CHCHD3: variants seen among roughly 807,000 people sequenced by gnomAD.
The protein encoded by CHCHD3 is MICOS complex subunit MIC19.
CHCHD3 carries 20 observed loss-of-function variants against 38.2 expected under a neutral mutation model. The ratio of observed to expected loss-of-function variants is 0.52; its 90% confidence interval spans 0.37 to 0.76. The LOEUF is 0.76. CHCHD3 is among the 30% of genes least tolerant of loss of function. CHCHD3 has a pLI of 0.00. For missense variants in CHCHD3, 245 were observed against 279.2 expected (o/e 0.88, Z 0.87); for synonymous variants, 82 against 100.0 (o/e 0.82, Z 1.07).
chr7:132,795,983 T>C (rs1806599867), intron 7 of CHCHD3, among the ~76,000 whole-genome samples: 1 of 152,136 alleles, frequency 6.6e-6, no homozygotes, highest in African/African-American at 2.4e-5. Flanking sequence ...GTGAACTCTA[T>C]CAACTGGTGG....
rs560390267 is a variant in CHCHD3, at chr7:132,800,728, A to G, written c.525-4151T>C. 5.2e-4 allele frequency among the ~76,000 whole-genome samples: 79 copies of G among 152,302 alleles called. 1 individual carries two copies. Among genetic ancestry groups the G allele is most frequent in the African/African-American group, 1.8e-3 (73 of 41,576 alleles). ...AGGATCCTTTCCCTGTACCTGAACC[A>G]GAAGTATGCTGAGAGAGTTCTACAG... On this transcript the variant is annotated intron_variant, in intron 6 of 7. Transcript: ENST00000262570.
intron 2 of CHCHD3, among the ~76,000 whole-genome samples, chr7:133,041,787 C>T (rs1459511092): frequency 6.6e-6 from 1 of 152,236 alleles, no homozygotes; most frequent in Non-Finnish European, 1.5e-5. Flanking sequence ...ACACCCTGTC[C>T]TGGCTGTCCC....
chr7:133,044,390 A>C (rs1184601663), intron 2 of CHCHD3, among the ~76,000 whole-genome samples: 1 of 152,232 alleles, frequency 6.6e-6, no homozygotes, highest in Non-Finnish European at 1.5e-5. Context: ...TATTCTTTCA[A>C]ACATTACCTA....
intron 3 of CHCHD3, among the ~76,000 whole-genome samples, chr7:133,013,665 G>C (rs1267371929): frequency 1.3e-5 from 2 of 152,092 alleles, no homozygotes; most frequent in Non-Finnish European, 2.9e-5. Context: ...CATGGGAAGA[G>C]AGATCACAAT....
intron 1 of CHCHD3, among the ~76,000 whole-genome samples, chr7:133,072,051 G>GTA (rs1814832695): frequency 6.6e-6 from 1 of 151,832 alleles, no homozygotes; most frequent in South Asian, 2.1e-4. Context: ...ATCAAGTGTT[G>GTA]AATTGCTACT....
intron 5 of CHCHD3, among the ~76,000 whole-genome samples, chr7:132,882,599 G>A (rs1809095300): frequency 1.3e-5 from 2 of 151,768 alleles, no homozygotes; most frequent in African/African-American, 4.8e-5. Flanking sequence ...TTGAGCAGTT[G>A]TTGAGCAGAT....
intron 7 of CHCHD3, among the ~76,000 whole-genome samples, chr7:132,795,060 C>T (rs768160379): frequency 2.0e-5 from 3 of 152,206 alleles, no homozygotes; most frequent in Non-Finnish European, 4.4e-5. Flanking sequence ...GTCAGCACTC[C>T]CAATGCCCCT....
chr7:132,825,384 A>C (rs781539729), intron 6 of CHCHD3, among the ~76,000 whole-genome samples: 12 of 152,198 alleles, frequency 7.9e-5, no homozygotes, highest in Non-Finnish European at 1.3e-4. Context: ...CCAACAACTC[A>C]AGTTCAAAGA....
At chr7:132,828,356 A>T (rs556451691) in intron 6 of CHCHD3, among the ~76,000 whole-genome samples, 4 of 151,724 alleles carry the variant, frequency 2.6e-5, no homozygotes, top group African/African-American at 9.7e-5. Flanking sequence ...TGATGTAGAA[A>T]CTCCTTTCAT....
intron 6 of CHCHD3, among the ~76,000 whole-genome samples, chr7:132,800,862 AT>A (rs140340566): frequency 3.5e-4 from 52 of 149,914 alleles, no homozygotes; most frequent in Admixed American, 6.7e-4. Flanking sequence ...GGAGAATTCT[AT>A]TTTTTTTTTA....
At position 132,848,940 on chromosome 7, in the gene CHCHD3, G is replaced by T. The variant is rs149185780; in HGVS notation, c.454-10471C>A. Among the ~76,000 whole-genome samples the T allele has an allele frequency of 3.4e-3, 517 of 152,188 alleles. 3 individuals are homozygous for T. The highest frequency in any genetic ancestry group is 0.012 in the African/African-American group (485 of 41,526). On this transcript the variant is annotated intron_variant, in intron 5 of 7. Coordinates refer to ENST00000262570, the MANE Select transcript of CHCHD3 (RefSeq NM_017812.4). ...GCTGTCCTCAGACAGAAAAATCAAA[G>T]CTAATTTAAATAGATTGCAAATTGC...
rs771024433 is a variant in CHCHD3 at position 132,975,186 on chromosome 7, C to T, written c.352G>A (p.Ala118Thr). Residue 118 changes from alanine to threonine, a missense_variant, in exon 4 of 8, where the codon GCT (alanine) becomes ACT (threonine). Coordinates refer to ENST00000262570, the MANE Select transcript of CHCHD3 (RefSeq NM_017812.4). ...ATACTCACCAGGTGCTTTGCCTTAG[C>T]GCGTTCCTCCTCGCTACATATCCTC... ...RERICSEEER[A>T]KAKHLARQLE... The T allele has an allele frequency of 4.0e-5, 64 of 1,612,048 alleles. No homozygotes were observed. In the South Asian group the frequency reaches 5.8e-4, roughly 15 times the overall value.
intron 3 of CHCHD3, among the ~76,000 whole-genome samples, chr7:132,982,970 G>A (rs1335222477): frequency 2.0e-5 from 3 of 152,002 alleles, no homozygotes; most frequent in Non-Finnish European, 4.4e-5. Context: ...CATAAAATAT[G>A]TTGATTCTGG....
At chr7:133,079,876 G>A (rs1403473530) in intron 1 of CHCHD3, among the ~76,000 whole-genome samples, 10 of 152,312 alleles carry the variant, frequency 6.6e-5, no homozygotes, top group Non-Finnish European at 1.2e-4. Flanking sequence ...AATGACCTCT[G>A]TGTACTCAAT....
intron 5 of CHCHD3, among the ~76,000 whole-genome samples, chr7:132,860,463 T>C (rs1808461333): frequency 6.6e-6 from 1 of 152,208 alleles, no homozygotes; most frequent in African/African-American, 2.4e-5. Context: ...ATCATCTTTC[T>C]TTCTTACACC....
chr7:132,823,227 G>GA (rs978103226), intron 6 of CHCHD3, among the ~76,000 whole-genome samples: 8 of 151,866 alleles, frequency 5.3e-5, no homozygotes, highest in Admixed American at 2.6e-4. Flanking sequence ...AATTAAAAGA[G>GA]AAAAAAATCT....
chr7:133,026,178 TACAG>T (rs2117445313), intron 2 of CHCHD3, among the ~76,000 whole-genome samples: 1 of 152,236 alleles, frequency 6.6e-6, no homozygotes, highest in South Asian at 2.1e-4. Context: ...AAAGAACTCT[TACAG>T]ACAAATAATA....
intron 1 of CHCHD3, among the ~76,000 whole-genome samples, chr7:133,079,946 C>T (rs1208513013): frequency 6.6e-6 from 1 of 152,186 alleles, no homozygotes; most frequent in Non-Finnish European, 1.5e-5. Flanking sequence ...CTACAAGAAA[C>T]TTACAGTGCC....
chr7:133,061,694 A>G (rs992751218), intron 2 of CHCHD3, among the ~76,000 whole-genome samples: 4 of 152,194 alleles, frequency 2.6e-5, no homozygotes, highest in Non-Finnish European at 2.9e-5. Context: ...CTACCCTGTA[A>G]CTGAAAGTAA....
Sources: gnomAD v4.1 joint callset for allele counts (sites outside exome capture counted in the v4.1 genomes callset) on GRCh38, gnomAD v4.1.1 for gene constraint, MANE v1.5 for transcripts, NCBI Gene and HGNC (gene_info 2026-07-23, HGNC 2026-07-21) for gene names.